SLC71A1: variants seen among roughly 807,000 people sequenced by gnomAD.
The protein encoded by SLC71A1 is hippocampus abundant gene transcript 1.
At chr1:100,052,707 G>T in the SLC71A1 span, among the ~76,000 whole-genome samples, 1 of 151,852 alleles carries the variant, frequency 6.6e-6, no homozygotes, top group African/African-American at 2.4e-5. Flanking sequence ...TGGGATTACA[G>T]GTGTGAGCCA....
the SLC71A1 span, among the ~76,000 whole-genome samples, chr1:100,046,377 C>A: frequency 2.6e-5 from 4 of 151,908 alleles, no homozygotes; most frequent in Non-Finnish European, 5.9e-5. Context: ...CAGGTCCCAC[C>A]ACCACGCCTG....
At chr1:100,060,762 TC>T in the SLC71A1 span, among the ~76,000 whole-genome samples, 1 of 151,890 alleles carries the variant, frequency 6.6e-6, no homozygotes, top group Non-Finnish European at 1.5e-5. Context: ...TTTTTTTTTT[TC>T]CACTCAGGAG....
At chr1:100,038,102 G>A in the SLC71A1 span, 5 of 765,468 alleles carry the variant, frequency 6.5e-6, no homozygotes, top group Admixed American at 8.9e-5. Flanking sequence ...GCCGGAGGCA[G>A]GCCGGGCCCT....
the SLC71A1 span, chr1:100,049,885 TTTAAAAAATC>T: frequency 7.5e-7 from 1 of 1,330,692 alleles, no homozygotes; most frequent in East Asian, 2.3e-5. Flanking sequence ...TTTTTAACTT[TTTAAAAAATC>T]TTGTTTTTTA....
chr1:100,064,280 C>A, the SLC71A1 span, among the ~76,000 whole-genome samples: 2 of 151,994 alleles, frequency 1.3e-5, no homozygotes, highest in African/African-American at 4.8e-5. Context: ...TAGCTATGCC[C>A]ACCACCATGC....
At chr1:100,059,075 C>T in the SLC71A1 span, among the ~76,000 whole-genome samples, 1 of 148,126 alleles carries the variant, frequency 6.8e-6, no homozygotes, top group Non-Finnish European at 1.5e-5. Flanking sequence ...AAACCCCCAT[C>T]AATATAAAAC....
chr1:100,080,047 AG>A, the SLC71A1 span: 2 of 153,988 alleles, frequency 1.3e-5, no homozygotes, highest in African/African-American at 4.8e-5. Flanking sequence ...ATTTGAGCCC[AG>A]GAAGTTGAGG....
chr1:100,081,459 T>G, the SLC71A1 span, among the ~76,000 whole-genome samples: 4 of 152,098 alleles, frequency 2.6e-5, no homozygotes, highest in Admixed American at 2.6e-4. Context: ...GCAACCTCTA[T>G]CTCCCAAGTT....
chr1:100,038,341 G>C, the SLC71A1 span: 2 of 1,548,736 alleles, frequency 1.3e-6, no homozygotes, highest in South Asian at 2.4e-5. Context: ...GCGCCGGCGA[G>C]CGTCCCTCGG....
the SLC71A1 span, chr1:100,058,145 T>C: frequency 6.6e-6 from 1 of 152,270 alleles, no homozygotes; most frequent in Admixed American, 6.5e-5. Context: ...TAACTTGTTA[T>C]ACATTTTCAT....
the SLC71A1 span, chr1:100,038,429 C>G: frequency 2.3e-6 from 2 of 860,468 alleles, no homozygotes; most frequent in Non-Finnish European, 3.8e-6. Context: ...CTTCCCCCAC[C>G]CTGTCCGAGC....
the SLC71A1 span, among the ~76,000 whole-genome samples, chr1:100,066,988 CA>C: frequency 0.039 from 2,685 of 69,120 alleles, 10 homozygotes; most frequent in Non-Finnish European, 0.052. Flanking sequence ...GACTCCGTCT[CA>C]AAAAAAAAAA....
chr1:100,080,548 A>G, the SLC71A1 span: 1 of 1,614,104 alleles, frequency 6.2e-7, no homozygotes, highest in Non-Finnish European at 8.5e-7. Flanking sequence ...ATGGTCTGGG[A>G]CCGGCCCTCT....
At chr1:100,049,872 C>A in the SLC71A1 span, 1 of 1,122,038 alleles carries the variant, frequency 8.9e-7, no homozygotes, top group South Asian at 1.3e-5. Context: ...GTACTGTTAA[C>A]TTTTTTTAAC....
the SLC71A1 span, among the ~76,000 whole-genome samples, chr1:100,055,675 GGT>G: frequency 6.6e-6 from 1 of 151,888 alleles, no homozygotes; most frequent in East Asian, 1.9e-4. Context: ...ATTACGTCAG[GGT>G]AAATGGGGTA....
At chr1:100,039,438 A>G in the SLC71A1 span, among the ~76,000 whole-genome samples, 1 of 152,230 alleles carries the variant, frequency 6.6e-6, no homozygotes, top group East Asian at 1.9e-4. Flanking sequence ...GGCCCAGTCA[A>G]TATGCCAAAG....
At chr1:100,072,813 C>T in the SLC71A1 span, among the ~76,000 whole-genome samples, 1 of 152,122 alleles carries the variant, frequency 6.6e-6, no homozygotes, top group East Asian at 1.9e-4. Context: ...GTTCCTAACA[C>T]TTGCACTAAG....
At chr1:100,055,611 A>G in the SLC71A1 span, among the ~76,000 whole-genome samples, 1 of 151,822 alleles carries the variant, frequency 6.6e-6, no homozygotes, top group Admixed American at 6.6e-5. Context: ...ACATAGGTGT[A>G]TATATTTATG....
At chr1:100,049,789 A>T in the SLC71A1 span, 1 of 577,898 alleles carries the variant, frequency 1.7e-6, no homozygotes, top group Non-Finnish European at 3.0e-6. Context: ...TGTTTGACAC[A>T]GTGCCCAGTA....
Sources: allele counts gnomAD v4.1 joint callset (sites outside exome capture counted in the v4.1 genomes callset), GRCh38; gene constraint gnomAD v4.1.1; transcripts MANE v1.5; gene names NCBI Gene and HGNC (gene_info 2026-07-23, HGNC 2026-07-21).